Variants in MEIS1 observed in about 807,000 individuals in gnomAD.
The protein encoded by MEIS1 is Meis homeobox 1, also known as homeobox protein Meis1.
Under a neutral mutation model 50.8 loss-of-function variants are expected in MEIS1, and 5 were observed. The ratio of observed to expected loss-of-function variants is 0.10; its 90% CI spans 0.05 to 0.21. The LOEUF (loss-of-function observed/expected upper bound fraction) is 0.21, where lower values mean the gene tolerates loss of function less well. Ranked by LOEUF, MEIS1 falls within the 10% of genes least tolerant of loss-of-function variation. The pLI is 1.00. For synonymous variants in MEIS1, 176 were observed against 179.3 expected (o/e 0.98, Z 0.15); for missense variants, 318 against 517.3 (o/e 0.61, Z 3.74).
At chr2:66,503,928 G>A (rs1673624818) in intron 7 of MEIS1, among the ~76,000 whole-genome samples, 1 of 151,678 alleles carries the variant, frequency 6.6e-6, no homozygotes, top group South Asian at 2.1e-4. Flanking sequence ...TGTATTTTTG[G>A]TAGAGACGGT....
chr2:66,564,304 C>G (rs1675286124), intron 9 of MEIS1, among the ~76,000 whole-genome samples: 1 of 152,130 alleles, frequency 6.6e-6, no homozygotes, highest in Non-Finnish European at 1.5e-5. Context: ...ACAAACAGTT[C>G]TTGCCACCAA....
intron 6 of MEIS1, among the ~76,000 whole-genome samples, chr2:66,461,578 C>G (rs931698728): frequency 1.3e-5 from 2 of 152,134 alleles, no homozygotes; most frequent in African/African-American, 2.4e-5. Flanking sequence ...TCTGGAGGAG[C>G]AAGGCTGTGA....
intron 8 of MEIS1, among the ~76,000 whole-genome samples, chr2:66,534,331 T>G (rs1416260577): frequency 6.6e-6 from 1 of 152,090 alleles, no homozygotes; most frequent in Non-Finnish European, 1.5e-5. Context: ...GTCAGGGGTT[T>G]GAGACCAGCC....
At chr2:66,523,329 G>C (rs1299791786) in intron 8 of MEIS1, among the ~76,000 whole-genome samples, 1 of 152,172 alleles carries the variant, frequency 6.6e-6, no homozygotes, top group Non-Finnish European at 1.5e-5. Flanking sequence ...ATTAATGCTT[G>C]AAAAACTGCT....
At chr2:66,511,993 T>C (rs1056345159) in intron 7 of MEIS1, among the ~76,000 whole-genome samples, 156 bp from the exon 8 acceptor site, 8 of 149,886 alleles carry the variant, frequency 5.3e-5, no homozygotes, top group African/African-American at 2.0e-4. Flanking sequence ...GTTCTTTCTC[T>C]GTCTTGGAAA....
At chr2:66,533,220 C>T (rs988080215) in intron 8 of MEIS1, among the ~76,000 whole-genome samples, 2 of 152,140 alleles carry the variant, frequency 1.3e-5, no homozygotes, top group Non-Finnish European at 2.9e-5. Flanking sequence ...GGCGAATTGC[C>T]ACTTCTGACT....
intron 9 of MEIS1, among the ~76,000 whole-genome samples, chr2:66,558,279 C>CAAAAAAAAAAAAAAAAAAAAAAAAAAAA (rs59017279): frequency 1.8e-4 from 10 of 57,098 alleles, no homozygotes; most frequent in East Asian, 5.7e-4. Flanking sequence ...AACTCCATCT[C>CAAAAAAAAAAAAAAAAAAAAAAAAAAAA]AAAAAAAAAA....
chr2:66,487,071 T>C (rs940458469), intron 7 of MEIS1, among the ~76,000 whole-genome samples: 25 of 152,196 alleles, frequency 1.6e-4, no homozygotes, highest in African/African-American at 6.0e-4. Context: ...CTGTTCCTAT[T>C]TGAATACCCT....
At chr2:66,459,753 G>A (rs1369856778) in intron 6 of MEIS1, among the ~76,000 whole-genome samples, 1 of 152,196 alleles carries the variant, frequency 6.6e-6, no homozygotes, top group Non-Finnish European at 1.5e-5. Flanking sequence ...GGTGGAGGAT[G>A]TGATACCTAC....
chr2:66,441,924 G>T (rs2103686991), intron 5 of MEIS1: 2 of 164,794 alleles, frequency 1.2e-5, no homozygotes, highest in East Asian at 1.9e-4. Flanking sequence ...GAGGCAGAAG[G>T]GGAGAAGGAG....
intron 10 of MEIS1, chr2:66,568,438 A>C (rs561422050): frequency 4.8e-6 from 2 of 417,092 alleles, no homozygotes. Context: ...CCAAGCAGAA[A>C]GTTTCCACAC....
intron 1 of MEIS1, 84 bp from the exon 2 acceptor site, chr2:66,437,653 C>A: frequency 1.6e-6 from 2 of 1,229,044 alleles, no homozygotes; most frequent in Non-Finnish European, 1.2e-6. Context: ...GCTGTATTGA[C>A]CTTATATAAG....
chr2:66,499,485 A>G (rs1292566861), intron 7 of MEIS1, among the ~76,000 whole-genome samples: 1 of 151,718 alleles, frequency 6.6e-6, no homozygotes, highest in Non-Finnish European at 1.5e-5. Flanking sequence ...CCTGCACTTT[A>G]CCTTCCCCCA....
intron 8 of MEIS1, among the ~76,000 whole-genome samples, chr2:66,517,408 GAGA>G (rs945925587): frequency 1.3e-5 from 2 of 151,906 alleles, no homozygotes; most frequent in African/African-American, 4.9e-5. Flanking sequence ...ATGAAGGTGC[GAGA>G]AGATTTTTTT....
At chr2:66,559,413 C>G (rs978738959) in intron 9 of MEIS1, among the ~76,000 whole-genome samples, 1 of 152,118 alleles carries the variant, frequency 6.6e-6, no homozygotes, top group Non-Finnish European at 1.5e-5. Flanking sequence ...ATCTGCTCAT[C>G]ATATTTATAA....
At chr2:66,546,831 T>C (rs1035572918) in intron 8 of MEIS1, among the ~76,000 whole-genome samples, 3 of 152,158 alleles carry the variant, frequency 2.0e-5, no homozygotes, top group African/African-American at 7.2e-5. Context: ...TAAACTTACA[T>C]ATAAGAGTAC....
At chr2:66,565,389 A>G (rs1310002813) in intron 9 of MEIS1, among the ~76,000 whole-genome samples, 1 of 152,130 alleles carries the variant, frequency 6.6e-6, no homozygotes, top group Admixed American at 6.5e-5. Context: ...TTCTTCCTTG[A>G]CTAAACACTG....
At chr2:66,441,315 T>A in intron 4 of MEIS1, 99 bp from the exon 5 acceptor site, 1 of 986,574 alleles carries the variant, frequency 1.0e-6, no homozygotes, top group Admixed American at 3.3e-5. Flanking sequence ...AATAACTCTA[T>A]TTACTGGTGG....
rs922147016 is a variant in MEIS1 at position 66,441,546 on chromosome 2, C to T, written c.483+82C>T. 2.6e-6 allele frequency: 3 copies of T among 1,141,372 alleles called. No homozygotes were observed. In the African/African-American group the frequency reaches 4.9e-5, roughly 19 times the overall value. The allele number at this position is 1,141,372 out of a possible 1,614,324, so 70.7% of individuals were successfully genotyped here. On this transcript the variant is annotated intron_variant, in intron 5 of 12. Coordinates refer to ENST00000272369, the MANE Select transcript of MEIS1 (RefSeq NM_002398.3). ...GGGAGGGTTCCGAATGGCTGAAGTTCAGCCTTCTGATACATTTGCATAAAT... is the reference window on the plus strand; with the variant it reads ...GGGAGGGTTCCGAATGGCTGAAGTTTAGCCTTCTGATACATTTGCATAAAT...
Sources: gnomAD v4.1 joint callset for allele counts (sites outside exome capture counted in the v4.1 genomes callset) on GRCh38, gnomAD v4.1.1 for gene constraint, MANE v1.5 for transcripts, NCBI Gene and HGNC (gene_info 2026-07-23, HGNC 2026-07-21) for gene names.